The following NAV2 variants were observed in gnomAD, a reference collection of about 807,000 sequenced individuals.
NAV2 encodes helicase, APC down-regulated 1.
Under a neutral mutation model 223.2 loss-of-function variants are expected in NAV2, and 54 were observed. The observed-to-expected ratio is 0.24, with a 90% CI of 0.19 to 0.30. NAV2 has a LOEUF of 0.30. NAV2 is among the 10% of genes least tolerant of loss of function. The pLI is 1.00. For missense variants in NAV2, 2,806 were observed against 3,147.5 expected (o/e 0.89, Z 2.60); for synonymous variants, 1,279 against 1,239.3 (o/e 1.03, Z -0.67).
intron 1 of NAV2, among the ~76,000 whole-genome samples, chr11:19,675,658 A>G (rs147495307): frequency 1.3e-5 from 2 of 152,194 alleles, no homozygotes; most frequent in Non-Finnish European, 2.9e-5. Context: ...CTATGCGCCA[A>G]TAAATCAGGG....
intron 10 of NAV2, among the ~76,000 whole-genome samples, chr11:19,967,750 G>A (rs1196318697): frequency 1.3e-5 from 2 of 152,152 alleles, no homozygotes; most frequent in African/African-American, 2.4e-5. Context: ...TCCTGCATGA[G>A]GTGAAAAGGA....
chr11:20,120,375 T>G lies in NAV2; in HGVS notation c.*2117T>G, dbSNP rs1565128784. 1 of 152,608 alleles carries G rather than the reference T, an allele frequency of 6.6e-6. No individual in the cohort carries two copies. Among genetic ancestry groups the G allele is most frequent in the African/African-American group, 2.4e-5 (1 of 41,448 alleles). 9.5% of individuals were successfully genotyped at this position (152,608 alleles called of 1,614,324 possible). On this transcript the variant is annotated 3_prime_UTR_variant, in exon 38 of 38. Coordinates refer to ENST00000349880, the MANE Select transcript of NAV2 (RefSeq NM_145117.5). ...TGTCTTGTTCTGTTTTTCTTTTTAATAAAACTTTTAAACCATATATTTAGC... is the reference window on the plus strand; with the variant it reads ...TGTCTTGTTCTGTTTTTCTTTTTAAGAAAACTTTTAAACCATATATTTAGC...
chr11:19,495,777 G>T (rs994762807), intron 1 of NAV2, among the ~76,000 whole-genome samples: 1 of 151,934 alleles, frequency 6.6e-6, no homozygotes, highest in Non-Finnish European at 1.5e-5. Context: ...ATTATATATA[G>T]TAATAAAACT....
At chr11:19,551,274 C>T (rs753950565) in intron 1 of NAV2, among the ~76,000 whole-genome samples, 2 of 152,224 alleles carry the variant, frequency 1.3e-5, no homozygotes, top group Non-Finnish European at 1.5e-5. Context: ...AGATCAAGTT[C>T]CATGTCTACG....
intron 11 of NAV2, among the ~76,000 whole-genome samples, chr11:20,000,480 G>T (rs1184740482): frequency 1.3e-5 from 2 of 152,162 alleles, no homozygotes; most frequent in African/African-American, 4.8e-5. Context: ...GACCAGGAAG[G>T]GGTGTGGAGG....
At chr11:19,924,304 A>C (rs150092040) in intron 6 of NAV2, among the ~76,000 whole-genome samples, 1,766 of 152,094 alleles carry the variant, frequency 0.012, 35 homozygotes, top group African/African-American at 0.04. Context: ...TTAAAAAAAA[A>C]AAAAAAACAA....
chr11:19,361,490 G>A (rs1463038413), intron 1 of NAV2, among the ~76,000 whole-genome samples: 1 of 151,970 alleles, frequency 6.6e-6, no homozygotes, highest in Non-Finnish European at 1.5e-5. Flanking sequence ...TGGTATCTAG[G>A]TTGCTTTTGG....
At chr11:19,464,849 A>C (rs1852293990) in intron 1 of NAV2, among the ~76,000 whole-genome samples, 1 of 152,266 alleles carries the variant, frequency 6.6e-6, no homozygotes, top group African/African-American at 2.4e-5. Context: ...TGTTAGACTC[A>C]GAATGCACTT....
chr11:19,660,064 A>G (rs978812749), intron 1 of NAV2, among the ~76,000 whole-genome samples: 1 of 152,202 alleles, frequency 6.6e-6, no homozygotes, highest in East Asian at 1.9e-4. Context: ...GTTTGGAAAG[A>G]AAATGTTCTG....
At chr11:19,372,241 G>A (rs957660146) in intron 1 of NAV2, among the ~76,000 whole-genome samples, 4 of 152,188 alleles carry the variant, frequency 2.6e-5, no homozygotes, top group African/African-American at 9.7e-5. Context: ...GAAGAGGGGT[G>A]TCATCCTTTT....
At chr11:19,889,742 A>C (rs2041331095) in intron 5 of NAV2, among the ~76,000 whole-genome samples, 1 of 152,196 alleles carries the variant, frequency 6.6e-6, no homozygotes, top group Admixed American at 6.5e-5. Flanking sequence ...CAAACCACGG[A>C]TGTTTCATTC....
At chr11:19,646,801 G>A (rs561352985) in intron 1 of NAV2, among the ~76,000 whole-genome samples, 1 of 152,150 alleles carries the variant, frequency 6.6e-6, no homozygotes, top group South Asian at 2.1e-4. Context: ...TATAGATATA[G>A]AACATGAGGC....
intron 4 of NAV2, among the ~76,000 whole-genome samples, chr11:19,877,472 T>TTTTTTTTTTTTTTCTTTTTTCTTTTC (rs2062918023): frequency 1.3e-4 from 15 of 117,834 alleles, no homozygotes; most frequent in African/African-American, 4.7e-4. Flanking sequence ...TCTTCATTCT[T>TTTTTTTTTTTTTTCTTTTTTCTTTTC]TTTTTTTTTT....
chr11:19,405,026 C>CA (rs1325179269), intron 1 of NAV2, among the ~76,000 whole-genome samples: 3 of 152,102 alleles, frequency 2.0e-5, no homozygotes, highest in African/African-American at 7.2e-5. Context: ...AGGACAGAGG[C>CA]AAAAGGCAGC....
chr11:19,586,437 T>C (rs1359817870), intron 1 of NAV2, among the ~76,000 whole-genome samples: 2 of 152,220 alleles, frequency 1.3e-5, no homozygotes, highest in African/African-American at 2.4e-5. Flanking sequence ...TGCGTTCCTT[T>C]GTAGGAGGAG....
intron 1 of NAV2, among the ~76,000 whole-genome samples, chr11:19,361,844 T>A (rs1853969492): frequency 6.6e-6 from 1 of 152,170 alleles, no homozygotes; most frequent in Non-Finnish European, 1.5e-5. Context: ...CCATTTGGAT[T>A]CCTATAGAGT....
intron 2 of NAV2, among the ~76,000 whole-genome samples, chr11:19,841,067 C>G (rs1183659886): frequency 6.6e-6 from 1 of 152,170 alleles, no homozygotes; most frequent in Admixed American, 6.5e-5. Context: ...GCAAGGCTTT[C>G]TACAATGCCT....
At position 19,396,748 on chromosome 11, in the gene NAV2, C is replaced by T. The variant is rs565155029; in HGVS notation, c.75+45721C>T. ...TCCAGTTCGTATTTGGAGTGGGATC[C>T]AGATATTTGTGTGGCAGTGGATACT... is the stretch of plus-strand genomic sequence containing the variant. On this transcript the variant is annotated intron_variant, in intron 1 of 37. Transcript: ENST00000360655. Among the ~76,000 whole-genome samples the T allele has an allele frequency of 3.9e-5, 6 of 152,178 alleles. No homozygotes were observed. In the East Asian group the frequency reaches 1.2e-3, roughly 29 times the overall value.
intron 1 of NAV2, among the ~76,000 whole-genome samples, chr11:19,664,866 ACT>A (rs1368477088): frequency 6.6e-6 from 1 of 152,150 alleles, no homozygotes; most frequent in African/African-American, 2.4e-5. Context: ...ATTTATATTC[ACT>A]CTCGCATTCC....
Sources: allele counts gnomAD v4.1 joint callset (sites outside exome capture counted in the v4.1 genomes callset), GRCh38; gene constraint gnomAD v4.1.1; transcripts MANE v1.5; gene names NCBI Gene and HGNC (gene_info 2026-07-23, HGNC 2026-07-21).